The following HOXB1 variants were observed in gnomAD, a reference collection of about 807,000 sequenced individuals.
HOXB1 encodes homeobox B1.
In HOXB1, 13 loss-of-function variants were observed where a neutral mutation model predicts 26.9. The observed-to-expected ratio is 0.48, with a 90% confidence interval of 0.31 to 0.77. The LOEUF (loss-of-function observed/expected upper bound fraction) is 0.77, where lower values mean the gene tolerates loss of function less well. Ranked by LOEUF, HOXB1 falls within the 30% of genes least tolerant of loss-of-function variation. HOXB1 has a pLI of 0.04. For synonymous variants in HOXB1, 168 were observed against 170.8 expected (o/e 0.98, Z 0.13); for missense variants, 366 against 403.6 (o/e 0.91, Z 0.80).
Position 48,530,496 on chromosome 17 carries a change from A to G in HOXB1, c.409T>C (p.Tyr137His). 1 of 1,614,066 alleles carries G rather than the reference A, an allele frequency of 6.2e-7. No individual in the cohort carries two copies. The highest frequency in any genetic ancestry group is 8.5e-7 in the Non-Finnish European group (1 of 1,179,976). ...CCATAAGGGGGATGCTGCGGAGGAT[A>G]TGGCCCCGGACCGGCTCCACCTGCT... ...YGAGGAGPGP[Y>H]PPQHPPYGNE... is the part of the protein sequence containing the mutation. The change falls in exon 1 of 2, where the codon TAT becomes CAT. Residue 137 changes from tyrosine to histidine, a missense_variant. Coordinates refer to ENST00000239174, the MANE Select transcript of HOXB1 (RefSeq NM_002144.4). The surrounding 1 kb of genome is among the most constrained non-coding windows in gnomAD (Gnocchi z 6.2).
At position 48,529,566 on chromosome 17, in the gene HOXB1, G is replaced by A. The variant is rs2068419717; in HGVS notation, c.887C>T (p.Pro296Leu). Reference sequence around the variant, plus strand: ...TTCAGTTCAGGAGGTGACAGAGCTGGGTGAGGCTTCCGGGGAGGTGCATGT... The same window carrying A: ...TTCAGTTCAGGAGGTGACAGAGCTGAGTGAGGCTTCCGGGGAGGTGCATGT... ...QSTCTSPEAS[P>L]SSVTS The change falls in exon 2 of 2, where the codon CCC (proline) becomes CTC (leucine). Residue 296 changes from proline (P) to leucine (L), a missense_variant. Coordinates refer to ENST00000239174, the MANE Select transcript of HOXB1 (RefSeq NM_002144.4). 2.0e-6 allele frequency: 3 copies of A among 1,533,486 alleles called. No homozygotes were observed. The Admixed American group carries it at 6.1e-5, about 31-fold the overall frequency. 95.0% of individuals were successfully genotyped at this position (1,533,486 alleles called of 1,614,324 possible).
rs201249420 is a variant in HOXB1 at position 48,530,770 on chromosome 17, C to T, written c.135G>A (p.Glu45=). 207 of 1,610,444 alleles carry T rather than the reference C, an allele frequency of 1.3e-4. No homozygotes were observed. The East Asian group carries it at 4.3e-3, about 34-fold the overall frequency. The change falls in exon 1 of 2, where the codon GAG becomes GAA. Residue 45 remains glutamate (E), a synonymous_variant. Transcript: ENST00000239174. This position sits in a 1 kb window ranked among gnomAD's most constrained non-coding sequence, Gnocchi z 6.2. ...TGGACAGCCCCCCACCGTAGCGGCC[C>T]TCGCTTGCATAGCTGTCAACCGCCT... The part of the protein sequence containing the change: ...SAQAVDSYAS[E]GRYGGGLSSP...
In HOXB1 at chr17:48,529,588, A is replaced by T; in HGVS notation, c.865T>A (p.Cys289Ser). 6.5e-7 allele frequency: 1 copy of T among 1,549,650 alleles called. No individual in the cohort carries two copies. The highest frequency in any genetic ancestry group is 8.7e-7 in the Non-Finnish European group (1 of 1,145,676). Reference sequence around the variant, plus strand: ...CTGGGTGAGGCTTCCGGGGAGGTGCATGTCGACTGGTCTGAGGCATCTCCA... The same window carrying T: ...CTGGGTGAGGCTTCCGGGGAGGTGCTTGTCGACTGGTCTGAGGCATCTCCA... ...AAGDASDQST[C>S]TSPEASPSSV... The change falls in exon 2 of 2, where the codon TGC becomes AGC. Residue 289 changes from cysteine to serine, a missense_variant. By Grantham distance (112) the Cys-to-Ser change is moderately radical. Coordinates refer to ENST00000239174, the MANE Select transcript of HOXB1 (RefSeq NM_002144.4).
chr17:48,529,847 C>A lies in HOXB1; in HGVS notation c.606G>T (p.Ser202=), dbSNP rs200756098. The part of the protein sequence containing the change: ...TAKVSEPGLG[S]PSGLRTNFTT... ...TGAAGTTGGTGCGGAGGCCACTGGGCGAGCCCAGGCCTGGCTCTGACACCT... is the reference window on the plus strand; with the variant it reads ...TGAAGTTGGTGCGGAGGCCACTGGGAGAGCCCAGGCCTGGCTCTGACACCT... The change falls in exon 2 of 2, where the codon TCG becomes TCT. Residue 202 remains serine, a synonymous_variant. Transcript: ENST00000239174. 6.3e-7 allele frequency: 1 copy of A among 1,590,824 alleles called. No homozygotes were observed. The highest frequency in any genetic ancestry group is 1.1e-5 in the South Asian group (1 of 90,402).
chr17:48,529,994 C>T, intron 1 of HOXB1, 119 bp from the exon 2 acceptor site: 2 of 895,448 alleles, frequency 2.2e-6, no homozygotes, highest in Non-Finnish European at 3.4e-6. Context: ...GTACAGTTGT[C>T]AAAGTTCCCA....
In HOXB1 at chr17:48,529,454, G is replaced by T; in HGVS notation, c.*93C>A. 9.9e-7 allele frequency: 1 copy of T among 1,012,822 alleles called. No homozygotes were observed. The highest frequency in any genetic ancestry group is 1.4e-6 in the Non-Finnish European group (1 of 714,234). 62.7% of individuals were successfully genotyped at this position (1,012,822 alleles called of 1,614,324 possible). A position where few individuals can be genotyped will look rare whatever the true frequency, so the allele number is the denominator to read the frequency against. On this transcript the variant is annotated 3_prime_UTR_variant, in exon 2 of 2. Transcript: ENST00000239174. ...AGCCCTAGAGAGGATCCCCAGGCCA[G>T]TGAAGCCCAGGCCTGGGGTTGGGGA...
chr17:48,529,917 C>T (rs922227603), intron 1 of HOXB1, 42 bp from the exon 2 acceptor site: 32 of 1,461,300 alleles, frequency 2.2e-5, no homozygotes, highest in Non-Finnish European at 2.7e-5. Context: ...AATTCTCTCA[C>T]CTCTTTCTCC....
Position 48,530,531 on chromosome 17 carries a change from T to A in HOXB1, c.374A>T (p.Asp125Val), listed in dbSNP as rs752158237. ...SYGAQLGGLS[D>V]GYGAGGAGPG... ...ACCGGCTCCACCTGCTCCGTAGCCA[T>A]CGGACAAGCCCCCTAGCTGGGCCCC... Residue 125 changes from aspartate (D) to valine (V), a missense_variant, in exon 1 of 2, where the codon GAT (aspartate) becomes GTT (valine). By Grantham distance (152) the Asp-to-Val change is radical. Transcript: ENST00000239174. This position sits in a 1 kb window ranked among gnomAD's most constrained non-coding sequence, Gnocchi z 6.2. 1.7e-5 allele frequency: 27 copies of A among 1,613,890 alleles called. No individual in the cohort carries two copies. Among genetic ancestry groups the A allele is most frequent in the Non-Finnish European group, 2.3e-5 (27 of 1,179,960 alleles).
In HOXB1 at chr17:48,530,622, G is replaced by C; in HGVS notation, c.283C>G (p.Pro95Ala). ...TGACCCAGAGGGTAGTACTGAGAAGGCCCGTAGCTGGGGCTGCAGGCGGCA... is the reference window on the plus strand; with the variant it reads ...TGACCCAGAGGGTAGTACTGAGAAGCCCCGTAGCTGGGGCTGCAGGCGGCA... The part of the protein sequence containing the change: ...APAACSPSYG[P>A]SQYYPLGQSE... The change falls in exon 1 of 2, where the codon CCT becomes GCT. Residue 95 changes from proline (P) to alanine (A), a missense_variant. Transcript: ENST00000239174. This position sits in a 1 kb window ranked among gnomAD's most constrained non-coding sequence, Gnocchi z 6.2. The C allele has an allele frequency of 1.9e-6, 3 of 1,613,932 alleles. No individual in the cohort carries two copies. The highest frequency in any genetic ancestry group is 1.7e-6 in the Non-Finnish European group (2 of 1,180,000).
chr17:48,530,321 G>A lies in HOXB1; in HGVS notation c.577+7C>T. ...CCGGAGAAGGGGTGGCCACATCTGA[G>A]CCCTACCTGTCTTGGGTGGGTTTCT... On this transcript the variant is annotated splice_region_variant and intron_variant, in intron 1 of 1. Transcript: ENST00000239174. The surrounding 1 kb of genome is among the most constrained non-coding windows in gnomAD (Gnocchi z 6.2). 1 of 1,611,446 alleles carries A rather than the reference G, an allele frequency of 6.2e-7. No homozygotes were observed. Among genetic ancestry groups the A allele is most frequent in the Non-Finnish European group, 8.5e-7 (1 of 1,178,328 alleles).
intron 1 of HOXB1, 64 bp from the exon 2 acceptor site, chr17:48,529,939 T>C: frequency 7.2e-7 from 1 of 1,387,968 alleles, no homozygotes; most frequent in Non-Finnish European, 9.8e-7. Flanking sequence ...TCCGCTTCCC[T>C]CCTCCCGGGG....
chr17:48,529,762 C>T lies in HOXB1; in HGVS notation c.691G>A (p.Ala231Thr). 1 of 1,609,826 alleles carries T rather than the reference C, an allele frequency of 6.2e-7. No homozygotes were observed. Among genetic ancestry groups the T allele is most frequent in the Non-Finnish European group, 8.5e-7 (1 of 1,179,942 alleles). The change falls in exon 2 of 2, where the codon GCC becomes ACC. Residue 231 changes from alanine to threonine, a missense_variant. Transcript: ENST00000239174. ...GTGGCGGCAATCTCCACCCTCCGGG[C>T]CCGGCTCAGGTACTTGTTGAAATGG... ...EFHFNKYLSRARRVEIAATLE... is the reference protein window; with the variant it reads ...EFHFNKYLSRTRRVEIAATLE...
Position 48,528,970 on chromosome 17 carries a change from T to C in HOXB1, c.*577A>G, listed in dbSNP as rs961258021. The C allele has an allele frequency of 6.6e-6, 1 of 152,224 alleles. No individual in the cohort carries two copies. Among genetic ancestry groups the C allele is most frequent in the South Asian group, 2.1e-4 (1 of 4,810 alleles). 9.4% of individuals were successfully genotyped at this position (152,224 alleles called of 1,614,324 possible). ...CAATATAAATATGCCAGGAGAGGGC[T>C]AATGGGGTTAGATGGGGGCGGGGGG... is the stretch of plus-strand genomic sequence containing the variant. On this transcript the variant is annotated 3_prime_UTR_variant, in exon 2 of 2. Coordinates refer to ENST00000239174, the MANE Select transcript of HOXB1 (RefSeq NM_002144.4).
In HOXB1 at chr17:48,530,313, A is replaced by G; in HGVS notation, c.577+15T>C. Reference sequence around the variant, plus strand: ...TTTGGGCCCCGGAGAAGGGGTGGCCACATCTGAGCCCTACCTGTCTTGGGT... The same window carrying G: ...TTTGGGCCCCGGAGAAGGGGTGGCCGCATCTGAGCCCTACCTGTCTTGGGT... On this transcript the variant is annotated intron_variant, in intron 1 of 1. Coordinates refer to ENST00000239174, the MANE Select transcript of HOXB1 (RefSeq NM_002144.4). The surrounding 1 kb of genome is among the most constrained non-coding windows in gnomAD (Gnocchi z 6.2). 2 of 1,608,060 alleles carry G rather than the reference A, an allele frequency of 1.2e-6. No individual in the cohort carries two copies. The highest frequency in any genetic ancestry group is 1.7e-6 in the Non-Finnish European group (2 of 1,175,914).
At position 48,530,546 on chromosome 17, in the gene HOXB1, A is replaced by T. The variant is rs1454116018; in HGVS notation, c.359T>A (p.Leu120Gln). Residue 120 changes from leucine to glutamine, a missense_variant, in exon 1 of 2, where the codon CTA becomes CAA. Transcript: ENST00000239174. This position sits in a 1 kb window ranked among gnomAD's most constrained non-coding sequence, Gnocchi z 6.2. ...YFHPSSYGAQ[L>Q]GGLSDGYGAG... ...TCCGTAGCCATCGGACAAGCCCCCT[A>T]GCTGGGCCCCGTAGCTCGAGGGATG... is the stretch of plus-strand genomic sequence containing the variant. 1.1e-5 allele frequency: 18 copies of T among 1,613,930 alleles called. No individual in the cohort carries two copies. Among genetic ancestry groups the T allele is most frequent in the Non-Finnish European group, 1.4e-5 (16 of 1,179,982 alleles).
chr17:48,530,713 G>T lies in HOXB1; in HGVS notation c.192C>A (p.Pro64=). The change falls in exon 1 of 2, where the codon CCC becomes CCA. Residue 64 remains proline (P), a synonymous_variant. Transcript: ENST00000239174. The surrounding 1 kb of genome is among the most constrained non-coding windows in gnomAD (Gnocchi z 6.2). ...SPAFQQNSGY[P]AQQPPSTLGV... is the part of the protein sequence containing the mutation. ...CCAGGGTCGAAGGCGGCTGCTGGGC[G>T]GGATAGCCGGAGTTCTGCTGAAACG... 1 of 1,612,356 alleles carries T rather than the reference G, an allele frequency of 6.2e-7. No homozygotes were observed.
Position 48,530,386 on chromosome 17 carries a change from G to A in HOXB1, c.519C>T (p.Asn173=), listed in dbSNP as rs748868554. 3.1e-6 allele frequency: 5 copies of A among 1,614,176 alleles called. No homozygotes were observed. Among genetic ancestry groups the A allele is most frequent in the South Asian group, 1.1e-5 (1 of 91,084 alleles). ...AGTCGAAGGTCCGGGCCGTGGGGGT[G>A]TTAGGTTCTGAAGGGCAGGGTGTTT... is the stretch of plus-strand genomic sequence containing the variant. ...DKETPCPSEP[N]TPTARTFDWM... Residue 173 remains asparagine (N), a synonymous_variant, in exon 1 of 2, where the codon AAC becomes AAT. Coordinates refer to ENST00000239174, the MANE Select transcript of HOXB1 (RefSeq NM_002144.4). The surrounding 1 kb of genome is among the most constrained non-coding windows in gnomAD (Gnocchi z 6.2).
rs2068411451 is a variant in HOXB1 at position 48,528,590 on chromosome 17, T to G, written c.*957A>C. 1 of 152,292 alleles carries G rather than the reference T, an allele frequency of 6.6e-6. No individual in the cohort carries two copies. Among genetic ancestry groups the G allele is most frequent in the South Asian group, 2.1e-4 (1 of 4,830 alleles). 9.4% of individuals were successfully genotyped at this position (152,292 alleles called of 1,614,324 possible). Reference sequence around the variant, plus strand: ...AGGTACAGAGAGAACCCGGGCTCACTTGGGGCTCAGGTTTCCAGAAACTTA... The same window carrying G: ...AGGTACAGAGAGAACCCGGGCTCACGTGGGGCTCAGGTTTCCAGAAACTTA... On this transcript the variant is annotated 3_prime_UTR_variant, in exon 2 of 2. Coordinates refer to ENST00000239174, the MANE Select transcript of HOXB1 (RefSeq NM_002144.4).
Position 48,529,128 on chromosome 17 carries a change from A to AG in HOXB1, c.*418dup. ...TTTAAGGTTCTGTGTCAGGCCTAGA[A>AG]GGGGGAGTTAGGATAAGAGTGCGTG... On this transcript the variant is annotated 3_prime_UTR_variant, in exon 2 of 2. Coordinates refer to ENST00000239174, the MANE Select transcript of HOXB1 (RefSeq NM_002144.4). 6.3e-6 allele frequency: 1 copy of AG among 158,150 alleles called. No individual in the cohort carries two copies. Among genetic ancestry groups the AG allele is most frequent in the Non-Finnish European group, 1.4e-5 (1 of 72,310 alleles). 9.8% of individuals were successfully genotyped at this position (158,150 alleles called of 1,614,324 possible).
Sources: gnomAD v4.1 joint callset for allele counts on GRCh38, gnomAD v4.1.1 for gene constraint, Gnocchi (gnomAD v3.1) non-coding constraint, MANE v1.5 for transcripts, NCBI Gene and HGNC (gene_info 2026-07-23, HGNC 2026-07-21) for gene names.